Variants in GALNTL6 observed in about 807,000 individuals in gnomAD.
The protein encoded by GALNTL6 is polypeptide N-acetylgalactosaminyltransferase-like 6.
Under a neutral mutation model 73.7 loss-of-function variants are expected in GALNTL6, and 46 were observed. That is an observed-to-expected ratio of 0.62 (90% CI 0.49 to 0.80). The LOEUF (loss-of-function observed/expected upper bound fraction) is 0.80. GALNTL6 is among the 30% of genes least tolerant of loss of function. The pLI is 0.00. For synonymous variants in GALNTL6, 259 were observed against 263.7 expected (o/e 0.98, Z 0.17); for missense variants, 604 against 755.0 (o/e 0.80, Z 2.34).
chr4:172,113,803 C>T (rs886080254), intron 2 of GALNTL6, among the ~76,000 whole-genome samples: 4 of 151,910 alleles, frequency 2.6e-5, no homozygotes, highest in African/African-American at 7.2e-5. Flanking sequence ...TGTTCCAGCA[C>T]GATGCTTTTT....
intron 2 of GALNTL6, among the ~76,000 whole-genome samples, chr4:171,992,399 A>C (rs1281102760): frequency 1.3e-5 from 2 of 152,038 alleles, no homozygotes; most frequent in Admixed American, 6.6e-5. Flanking sequence ...CACCTATATA[A>C]ATGAAAGTCA....
intron 2 of GALNTL6, among the ~76,000 whole-genome samples, chr4:171,851,656 G>A (rs893090354): frequency 6.6e-6 from 1 of 152,114 alleles, no homozygotes; most frequent in Non-Finnish European, 1.5e-5. Context: ...AGAAAAAAAT[G>A]TTATCTTTTT....
chr4:172,990,122 C>T (rs964522819), intron 10 of GALNTL6, among the ~76,000 whole-genome samples: 1 of 152,184 alleles, frequency 6.6e-6, no homozygotes, highest in Non-Finnish European at 1.5e-5. Flanking sequence ...ACTTTGATTC[C>T]TTCAAGCAGT....
chr4:172,098,592 G>A (rs910717274), intron 2 of GALNTL6, among the ~76,000 whole-genome samples: 2 of 152,116 alleles, frequency 1.3e-5, no homozygotes, highest in African/African-American at 4.8e-5. Context: ...AAGGAGAATG[G>A]CGTGGTTGTA....
chr4:172,250,458 G>T (rs2111013061), intron 3 of GALNTL6, among the ~76,000 whole-genome samples: 1 of 152,206 alleles, frequency 6.6e-6, no homozygotes, highest in South Asian at 2.1e-4. Flanking sequence ...ATGAGATTTG[G>T]TTGGGGCCAG....
intron 3 of GALNTL6, among the ~76,000 whole-genome samples, chr4:172,230,525 G>A (rs1426715848): frequency 2.7e-5 from 4 of 150,904 alleles, no homozygotes; most frequent in South Asian, 4.2e-4. Context: ...AGCTTGCAGT[G>A]AGCCGAGATC....
intron 5 of GALNTL6, among the ~76,000 whole-genome samples, chr4:172,430,047 G>A (rs891144435): frequency 1.1e-4 from 16 of 151,694 alleles, no homozygotes; most frequent in Non-Finnish European, 2.1e-4. Context: ...GTATGAATGC[G>A]ATTTTCTTGA....
intron 5 of GALNTL6, among the ~76,000 whole-genome samples, chr4:172,525,484 C>T (rs1409795286): frequency 1.3e-5 from 2 of 151,820 alleles, no homozygotes; most frequent in African/African-American, 4.8e-5. Flanking sequence ...TTTTTAATTT[C>T]TTAATTATTT....
At chr4:172,269,839 C>A (rs1432532794) in intron 3 of GALNTL6, among the ~76,000 whole-genome samples, 2 of 151,996 alleles carry the variant, frequency 1.3e-5, no homozygotes, top group African/African-American at 4.8e-5. Flanking sequence ...GCAACCTCTG[C>A]CTCCTGGGTT....
At chr4:172,791,530 T>A (rs538940642) in intron 5 of GALNTL6, among the ~76,000 whole-genome samples, 1 of 152,240 alleles carries the variant, frequency 6.6e-6, no homozygotes, top group East Asian at 1.9e-4. Flanking sequence ...TTGAAAAAGA[T>A]AACGGAATGT....
At chr4:173,033,559 G>C (rs946112386) in intron 12 of GALNTL6, among the ~76,000 whole-genome samples, 6 of 152,098 alleles carry the variant, frequency 3.9e-5, no homozygotes, top group Non-Finnish European at 7.4e-5. Flanking sequence ...TATCAACCTT[G>C]TTCTTCTGCA....
At chr4:172,637,051 G>T (rs889446838) in intron 5 of GALNTL6, among the ~76,000 whole-genome samples, 2 of 151,882 alleles carry the variant, frequency 1.3e-5, no homozygotes, top group African/African-American at 2.4e-5. Context: ...ACCAAAAACT[G>T]GGTAAACAGC....
chr4:172,811,509 T>C (rs113050730), intron 6 of GALNTL6, among the ~76,000 whole-genome samples: 17 of 152,288 alleles, frequency 1.1e-4, no homozygotes, highest in African/African-American at 3.9e-4. Flanking sequence ...CCAGCAACAA[T>C]GGTCTCCTCT....
intron 4 of GALNTL6, among the ~76,000 whole-genome samples, chr4:172,340,814 G>T (rs1266191380): frequency 6.6e-6 from 1 of 152,268 alleles, no homozygotes; most frequent in African/African-American, 2.4e-5. Flanking sequence ...GATAGGTATT[G>T]TTTCCTCTAA....
chr4:173,022,569 G>A (rs1396564637), intron 12 of GALNTL6, among the ~76,000 whole-genome samples: 1 of 152,162 alleles, frequency 6.6e-6, no homozygotes, highest in Non-Finnish European at 1.5e-5. Flanking sequence ...ACTTGCTTGG[G>A]ACCTGTCTGG....
intron 7 of GALNTL6, among the ~76,000 whole-genome samples, chr4:172,873,423 G>A (rs768325033): frequency 2.0e-5 from 3 of 152,212 alleles, no homozygotes; most frequent in Non-Finnish European, 4.4e-5. Flanking sequence ...CACCTCAGAA[G>A]TCACAGGGGG....
intron 5 of GALNTL6, among the ~76,000 whole-genome samples, chr4:172,808,976 G>T (rs1252962520): frequency 6.6e-6 from 1 of 152,176 alleles, no homozygotes. Context: ...GCAAAGCCTT[G>T]CTGTAGAGAG....
chr4:172,083,560 G>A (rs1013135086), intron 2 of GALNTL6, among the ~76,000 whole-genome samples: 23 of 152,068 alleles, frequency 1.5e-4, no homozygotes, highest in Non-Finnish European at 2.2e-4. Context: ...AGATATTTCC[G>A]TAGCTCCCAC....
chr4:172,485,259 G>A (rs943205435), intron 5 of GALNTL6, among the ~76,000 whole-genome samples: 3 of 151,810 alleles, frequency 2.0e-5, no homozygotes, highest in African/African-American at 7.3e-5. Context: ...TGGTGTTTGT[G>A]TACCACATAG....
Sources: gnomAD v4.1 joint callset for allele counts (sites outside exome capture counted in the v4.1 genomes callset) on GRCh38, gnomAD v4.1.1 for gene constraint, MANE v1.5 for transcripts, NCBI Gene and HGNC (gene_info 2026-07-23, HGNC 2026-07-21) for gene names.